HEPHL1: variants seen among roughly 807,000 people sequenced by gnomAD.
HEPHL1 encodes the protein ferroxidase HEPHL1.
In HEPHL1, 123 loss-of-function variants were observed where a neutral mutation model predicts 122.0. The ratio of observed to expected loss-of-function variants is 1.01; its 90% confidence interval spans 0.87 to 1.17. The LOEUF is 1.17. Ranked by LOEUF, HEPHL1 falls within the 50% of genes most tolerant of loss-of-function variation. HEPHL1 has a pLI of 0.00. For missense variants in HEPHL1, 1,452 were observed against 1,430.5 expected (o/e 1.01, Z -0.24); for synonymous variants, 527 against 508.9 (o/e 1.04, Z -0.48).
chr11:94,035,107 C>G (rs1945709763), intron 1 of HEPHL1, among the ~76,000 whole-genome samples: 2 of 152,154 alleles, frequency 1.3e-5, no homozygotes, highest in African/African-American at 4.8e-5. Flanking sequence ...ATTTTCTGGT[C>G]CTATAAAGCT....
At chr11:94,067,439 C>T in intron 4 of HEPHL1, 57 bp from the exon 5 acceptor site, 1 of 1,565,016 alleles carries the variant, frequency 6.4e-7, no homozygotes, top group Non-Finnish European at 8.7e-7. Flanking sequence ...ACCAACATTT[C>T]TGGTCCCAGT....
intron 2 of HEPHL1, among the ~76,000 whole-genome samples, chr11:94,049,302 A>G (rs2134418023): frequency 1.0e-5 from 1 of 98,310 alleles, no homozygotes; most frequent in African/African-American, 4.1e-5. Context: ...GCTATTATCA[A>G]AAAGACAAAA....
rs937570756 is a variant in HEPHL1 at position 94,073,235 on chromosome 11, A to C, written c.1372+71A>C. On this transcript the variant is annotated intron_variant, in intron 7 of 19. Coordinates refer to ENST00000315765, the MANE Select transcript of HEPHL1 (RefSeq NM_001098672.2). Reference sequence around the variant, plus strand: ...TAGCTGGGCATGTACATCTGCACAGAATGACTCTTCTGCTTTACTTCTTTC... The same window carrying C: ...TAGCTGGGCATGTACATCTGCACAGCATGACTCTTCTGCTTTACTTCTTTC... 2.5e-6 allele frequency: 4 copies of C among 1,607,976 alleles called. No individual in the cohort carries two copies. In the African/African-American group the frequency reaches 5.4e-5, roughly 22 times the overall value.
At position 94,114,136 on chromosome 11, in the gene HEPHL1, A is replaced by T. The variant is rs185757450; in HGVS notation, c.*2242A>T. 6.6e-6 allele frequency among the ~76,000 whole-genome samples: 1 copy of T among 152,230 alleles called. No homozygotes were observed. Among genetic ancestry groups the T allele is most frequent in the Admixed American group, 6.5e-5 (1 of 15,306 alleles). On this transcript the variant is annotated 3_prime_UTR_variant, in exon 20 of 20. Transcript: ENST00000315765. The stretch of plus-strand genomic sequence containing the variant: ...TCCATTTTTCCTCCTGCATCTTTCT[A>T]TGAAACCATCAGCAATGTCCGCCAT...
chr11:94,037,360 G>A (rs1945735468), intron 1 of HEPHL1, among the ~76,000 whole-genome samples: 2 of 151,768 alleles, frequency 1.3e-5, no homozygotes, highest in Admixed American at 1.3e-4. Flanking sequence ...ACTGGGTGGA[G>A]CCCACCACAG....
chr11:94,027,808 A>G (rs144998666), intron 1 of HEPHL1, among the ~76,000 whole-genome samples: 1 of 152,226 alleles, frequency 6.6e-6, no homozygotes, highest in South Asian at 2.1e-4. Flanking sequence ...GACCCAAGAC[A>G]TAGGTGGTGC....
Position 94,093,581 on chromosome 11 carries a change from A to G in HEPHL1, c.2375A>G (p.Asp792Gly), listed in dbSNP as rs1946280134. Residue 792 changes from aspartate to glycine, a missense_variant, in exon 13 of 20, where the codon GAT (aspartate) becomes GGT (glycine). Coordinates refer to ENST00000315765, the MANE Select transcript of HEPHL1 (RefSeq NM_001098672.2). ...AAGGTGGTTTACAGGGAATATACGG[A>G]TGGAGAATTTGTGGAGATCAAAGCC... ...YKKVVYREYT[D>G]GEFVEIKARP... The G allele has an allele frequency of 6.2e-7, 1 of 1,613,794 alleles. No individual in the cohort carries two copies. The highest frequency in any genetic ancestry group is 1.3e-5 in the African/African-American group (1 of 75,008).
At chr11:94,028,197 C>T (rs1945643251) in intron 1 of HEPHL1, among the ~76,000 whole-genome samples, 1 of 152,172 alleles carries the variant, frequency 6.6e-6, no homozygotes, top group Non-Finnish European at 1.5e-5. Flanking sequence ...CTGTCAAATG[C>T]ATGTTTTGCT....
Position 94,072,956 on chromosome 11 carries a change from G to A in HEPHL1, c.1233-69G>A. 2.1e-6 allele frequency: 3 copies of A among 1,417,888 alleles called. No homozygotes were observed. In the South Asian group the frequency reaches 3.7e-5, roughly 18 times the overall value. The allele number at this position is 1,417,888 out of a possible 1,614,324, so 87.8% of individuals were successfully genotyped here. ...AGTGGACTAAAAGTGATAGAATGAAGTTCTATAATTAAAGTATTTGGTGGA... is the reference window on the plus strand; with the variant it reads ...AGTGGACTAAAAGTGATAGAATGAAATTCTATAATTAAAGTATTTGGTGGA... On this transcript the variant is annotated intron_variant, in intron 6 of 19. Transcript: ENST00000315765.
chr11:94,089,781 G>A (rs2134443938), intron 12 of HEPHL1, among the ~76,000 whole-genome samples: 1 of 152,268 alleles, frequency 6.6e-6, no homozygotes, highest in African/African-American at 2.4e-5. Context: ...AAACTTGGAC[G>A]CAAAGAGTTA....
chr11:94,045,783 C>A lies in HEPHL1; in HGVS notation c.281C>A (p.Pro94His). 1 of 1,613,988 alleles carries A rather than the reference C, an allele frequency of 6.2e-7. No homozygotes were observed. Residue 94 changes from proline to histidine, a missense_variant, in exon 2 of 20, where the codon CCT becomes CAT. Physicochemically the swap from Pro to His is moderately conservative, Grantham distance 77 (BLOSUM62 -2). Coordinates refer to ENST00000315765, the MANE Select transcript of HEPHL1 (RefSeq NM_001098672.2). ...ACCTACTCCATAGAGATCCCCAAAC[C>A]TCCCTGGCTTGGATTCCTGGGCCCC... The part of the protein sequence containing the change: ...DGTYSIEIPK[P>H]PWLGFLGPIL...
At chr11:94,056,807 T>C (rs1235276381) in intron 2 of HEPHL1, among the ~76,000 whole-genome samples, 4 of 152,148 alleles carry the variant, frequency 2.6e-5, no homozygotes, top group South Asian at 2.1e-4. Flanking sequence ...GAAAATATAT[T>C]TATAGAACCT....
chr11:94,061,721 C>T (rs1055686359), intron 2 of HEPHL1, among the ~76,000 whole-genome samples: 6 of 152,092 alleles, frequency 3.9e-5, no homozygotes, highest in Non-Finnish European at 5.9e-5. Flanking sequence ...ATTCTCACCT[C>T]GTATTGAGAG....
intron 14 of HEPHL1, 23 bp from the exon 15 acceptor site, chr11:94,102,891 T>G (rs776925237): frequency 6.8e-6 from 8 of 1,168,108 alleles, no homozygotes; most frequent in African/African-American, 1.5e-5. Flanking sequence ...TCTAATAAAT[T>G]TTTTCCATTT....
chr11:94,053,326 C>T (rs1193504580), intron 2 of HEPHL1, among the ~76,000 whole-genome samples: 2 of 151,986 alleles, frequency 1.3e-5, no homozygotes, highest in East Asian at 1.9e-4. Flanking sequence ...TCATTCCTGA[C>T]TTTGGCAATT....
chr11:94,025,082 G>A (rs534629585), intron 1 of HEPHL1, among the ~76,000 whole-genome samples: 1 of 152,252 alleles, frequency 6.6e-6, no homozygotes, highest in African/African-American at 2.4e-5. Flanking sequence ...GGACGAGATC[G>A]AAAATGAATT....
At chr11:94,086,225 T>A in intron 11 of HEPHL1, 36 bp downstream of exon 11, 1 of 1,501,932 alleles carries the variant, frequency 6.7e-7, no homozygotes, top group Non-Finnish European at 9.1e-7. Flanking sequence ...TGACCAGATT[T>A]CTACCTTCAG....
chr11:94,041,216 A>G lies in HEPHL1; in HGVS notation c.171-4457A>G, dbSNP rs1223286054. On this transcript the variant is annotated intron_variant, in intron 1 of 19. Coordinates refer to ENST00000315765, the MANE Select transcript of HEPHL1 (RefSeq NM_001098672.2). ...GAACTACAAGCCACTGCTCAAGGAA[A>G]TAAAAGAGGATACAAACAAATGGAA... Among the ~76,000 whole-genome samples the G allele has an allele frequency of 2.0e-5, 3 of 151,122 alleles. No homozygotes were observed. In the South Asian group the frequency reaches 6.4e-4, roughly 32 times the overall value.
chr11:94,082,181 A>C (rs1198531400), intron 9 of HEPHL1, among the ~76,000 whole-genome samples: 1 of 152,246 alleles, frequency 6.6e-6, no homozygotes, highest in Non-Finnish European at 1.5e-5. Context: ...AAAGCCTTCT[A>C]AGCAGGGGCT....
Sources: gnomAD v4.1 joint callset for allele counts (sites outside exome capture counted in the v4.1 genomes callset) on GRCh38, gnomAD v4.1.1 for gene constraint, MANE v1.5 for transcripts, NCBI Gene and HGNC (gene_info 2026-07-23, HGNC 2026-07-21) for gene names.